Variants in TSPAN14 observed in about 807,000 individuals in gnomAD.
The protein encoded by TSPAN14 is tetraspanin-14.
In TSPAN14, 16 loss-of-function variants were observed where a neutral mutation model predicts 36.6. The ratio of observed to expected loss-of-function variants is 0.44; its 90% CI spans 0.30 to 0.66. TSPAN14 has a LOEUF of 0.66. TSPAN14 is among the 30% of genes least tolerant of loss of function. The pLI, the probability that TSPAN14 is intolerant of heterozygous loss-of-function variation, is 0.12. For missense variants in TSPAN14, 231 were observed against 355.1 expected, an observed-to-expected ratio of 0.65 and a Z score of 2.81; for synonymous variants, 139 against 143.8, an observed-to-expected ratio of 0.97 and a Z score of 0.24.
chr10:80,487,564 G>A (rs905289989), intron 1 of TSPAN14, among the ~76,000 whole-genome samples: 2 of 152,140 alleles, frequency 1.3e-5, no homozygotes, highest in Admixed American at 1.3e-4. Context: ...GAAGGAAGGC[G>A]CCTGTGTCTC....
intron 1 of TSPAN14, among the ~76,000 whole-genome samples, chr10:80,461,794 A>G (rs1460963599): frequency 6.6e-6 from 1 of 151,704 alleles, no homozygotes; most frequent in Non-Finnish European, 1.5e-5. Flanking sequence ...TTCACAGAGG[A>G]TTGTGGGATT....
intron 1 of TSPAN14, among the ~76,000 whole-genome samples, chr10:80,478,232 T>A (rs117737391): frequency 6.6e-6 from 1 of 151,770 alleles, no homozygotes; most frequent in African/African-American, 2.4e-5. Flanking sequence ...TATCAGAAAA[T>A]TTTTCAAAAA....
At chr10:80,492,424 C>G (rs1201304292) in intron 2 of TSPAN14, among the ~76,000 whole-genome samples, 1 of 152,144 alleles carries the variant, frequency 6.6e-6, no homozygotes, top group Admixed American at 6.5e-5. Context: ...GCTCAGCAGG[C>G]AAGTTTGAAT....
chr10:80,468,562 A>G (rs1025389140), intron 1 of TSPAN14: 2 of 152,066 alleles, frequency 1.3e-5, no homozygotes, highest in African/African-American at 4.8e-5. Context: ...CATCCTTACT[A>G]TTCAAAGTGC....
rs115381041 is a variant in TSPAN14 at position 80,461,634 on chromosome 10, T to C, written c.-18+7263T>C. ...GGGCAGGTTTAGTTGAGGGCTCCTCTGGTGTAGGGTAGCCCTGACGCTCCC... is the reference window on the plus strand; with the variant it reads ...GGGCAGGTTTAGTTGAGGGCTCCTCCGGTGTAGGGTAGCCCTGACGCTCCC... On this transcript the variant is annotated intron_variant, in intron 1 of 8. Coordinates refer to ENST00000429989, the Ensembl canonical transcript of TSPAN14. 6.2e-3 allele frequency among the ~76,000 whole-genome samples: 948 copies of C among 152,044 alleles called. 9 individuals are homozygous for C. The highest frequency in any genetic ancestry group is 0.022 in the African/African-American group (904 of 41,486).
At chr10:80,519,624 A>T (rs1841148040) in exon 9 of TSPAN14, 1 of 150,102 alleles carries the variant, frequency 6.7e-6, no homozygotes, top group Admixed American at 6.7e-5. Flanking sequence ...ATATATCTTT[A>T]TATTAATGCT....
intron 2 of TSPAN14, among the ~76,000 whole-genome samples, chr10:80,498,131 G>A (rs1848296043): frequency 6.6e-6 from 1 of 152,148 alleles, no homozygotes; most frequent in African/African-American, 2.4e-5. Flanking sequence ...TGCACCCTCT[G>A]GTCCTTTTTG....
intron 2 of TSPAN14, among the ~76,000 whole-genome samples, chr10:80,500,889 G>C (rs1330547573): frequency 2.6e-5 from 4 of 152,236 alleles, no homozygotes; most frequent in Non-Finnish European, 4.4e-5. Context: ...CCTTTGCATG[G>C]GCACTGTGCC....
At chr10:80,522,507 C>T (rs1430029151) in exon 9 of TSPAN14, 3 of 151,584 alleles carry the variant, frequency 2.0e-5, no homozygotes, top group Non-Finnish European at 4.4e-5. Flanking sequence ...GACTCCATCT[C>T]AAAAAATAAA....
At chr10:80,502,976 C>T (rs1309973815) in intron 2 of TSPAN14, among the ~76,000 whole-genome samples, 2 of 151,872 alleles carry the variant, frequency 1.3e-5, no homozygotes, top group African/African-American at 4.8e-5. Flanking sequence ...TTGGGGTCCC[C>T]GAAGCAGGGT....
chr10:80,489,180 G>A, intron 1 of TSPAN14, 37 bp from the exon 2 acceptor site: 1 of 1,404,986 alleles, frequency 7.1e-7, no homozygotes, highest in Admixed American at 2.0e-5. Context: ...TTTTAACGCT[G>A]AGCCTGCCAT....
At chr10:80,503,752 A>G (rs1840121683) in intron 2 of TSPAN14, among the ~76,000 whole-genome samples, 1 of 152,070 alleles carries the variant, frequency 6.6e-6, no homozygotes, top group Non-Finnish European at 1.5e-5. Context: ...CTAGTTACTG[A>G]GTAAAATAGG....
intron 1 of TSPAN14, among the ~76,000 whole-genome samples, chr10:80,462,248 C>T (rs1564707966): frequency 1.3e-5 from 2 of 151,968 alleles, no homozygotes; most frequent in Non-Finnish European, 2.9e-5. Flanking sequence ...TACCCATTCC[C>T]CCTCTCTGGC....
intron 2 of TSPAN14, among the ~76,000 whole-genome samples, chr10:80,501,898 C>T (rs545456286): frequency 6.7e-6 from 1 of 149,932 alleles, no homozygotes; most frequent in South Asian, 2.1e-4. Context: ...CCAAGCCCTC[C>T]TCGTTGTTGG....
chr10:80,504,857 T>A (rs1259627138), intron 3 of TSPAN14, 79 bp downstream of exon 3: 10 of 1,469,888 alleles, frequency 6.8e-6, no homozygotes, highest in Non-Finnish European at 8.6e-6. Context: ...CCTCCTCCAA[T>A]CTGTTCCCTG....
At chr10:80,502,721 T>C (rs754257332) in intron 2 of TSPAN14, among the ~76,000 whole-genome samples, 2 of 151,994 alleles carry the variant, frequency 1.3e-5, no homozygotes, top group Non-Finnish European at 1.5e-5. Context: ...TCGTTAGCTG[T>C]CTTAGGAGGA....
exon 9 of TSPAN14, chr10:80,522,528 AACT>A (rs1472112350): frequency 6.6e-6 from 1 of 152,216 alleles, no homozygotes; most frequent in Admixed American, 6.5e-5. Context: ...ATTAAAAAAA[AACT>A]ACTACAATAA....
chr10:80,509,234 G>C lies in TSPAN14; in HGVS notation c.280-67G>C. On this transcript the variant is annotated intron_variant, in intron 4 of 8. Transcript: ENST00000429989. The surrounding 1 kb of genome is among the most constrained non-coding windows in gnomAD (Gnocchi z 4.7). Reference sequence around the variant, plus strand: ...GAGGATGGTGGTTCTGGGTCAGGTGGGGTTATGTGTGTGGGGGTGCAGGCT... The same window carrying C: ...GAGGATGGTGGTTCTGGGTCAGGTGCGGTTATGTGTGTGGGGGTGCAGGCT... 1 of 1,536,340 alleles carries C rather than the reference G, an allele frequency of 6.5e-7. No individual in the cohort carries two copies. Among genetic ancestry groups the C allele is most frequent in the Admixed American group, 1.8e-5 (1 of 56,052 alleles).
At position 80,468,295 on chromosome 10, in the gene TSPAN14, G is replaced by T. The variant is rs551660117; in HGVS notation, c.-18+13924G>T. ...CTCTAGGCTGTGTTTCTGCCGGCAC[G>T]AACACAGGAGGGCGGTGGTCTTGGA... On this transcript the variant is annotated intron_variant, in intron 1 of 8. Transcript: ENST00000429989. Among the ~76,000 whole-genome samples, 5 of 152,166 alleles carry T rather than the reference G, an allele frequency of 3.3e-5. No individual in the cohort carries two copies. In the East Asian group the frequency reaches 9.6e-4, roughly 29 times the overall value.
Sources: gnomAD v4.1 joint callset for allele counts (sites outside exome capture counted in the v4.1 genomes callset) on GRCh38, gnomAD v4.1.1 for gene constraint, Gnocchi (gnomAD v3.1) non-coding constraint, MANE v1.5 for transcripts, NCBI Gene and HGNC (gene_info 2026-07-23, HGNC 2026-07-21) for gene names.